The following NPFFR2 variants were observed in gnomAD, a reference collection of about 807,000 sequenced individuals.
NPFFR2 encodes neuropeptide FF receptor 2.
NPFFR2 carries 15 observed loss-of-function variants against 13.1 expected under a neutral mutation model. That is an observed-to-expected ratio of 1.15 (90% confidence interval 0.77 to 1.76). The LOEUF (loss-of-function observed/expected upper bound fraction) is 1.76, where lower values mean the gene tolerates loss of function less well. Among genes scored for constraint, NPFFR2 ranks in the 40% most tolerant of loss-of-function variants. The pLI, the probability that NPFFR2 is intolerant of heterozygous loss-of-function variation, is 0.00. For missense variants in NPFFR2, 572 were observed against 503.5 expected (o/e 1.14, Z -1.30); for synonymous variants, 190 against 175.7 (o/e 1.08, Z -0.65).
intron 2 of NPFFR2, among the ~76,000 whole-genome samples, chr4:72,132,249 A>T (rs1722268005): frequency 6.6e-6 from 1 of 151,816 alleles, no homozygotes; most frequent in African/African-American, 2.4e-5. Context: ...AACATGTAGT[A>T]TTGGGTTTCC....
At chr4:72,069,910 A>G (rs940055813) in intron 1 of NPFFR2, among the ~76,000 whole-genome samples, 1 of 152,150 alleles carries the variant, frequency 6.6e-6, no homozygotes, top group Admixed American at 6.5e-5. Flanking sequence ...AATAGCCGAC[A>G]TTTATAATCA....
chr4:72,038,447 C>A (rs77299666), intron 1 of NPFFR2, among the ~76,000 whole-genome samples: 3,976 of 152,288 alleles, frequency 0.026, 188 homozygotes, highest in African/African-American at 0.09. Flanking sequence ...AATTTTACTT[C>A]CATTTCCCTA....
chr4:72,135,011 CACA>C (rs1722364778), intron 2 of NPFFR2, among the ~76,000 whole-genome samples: 3 of 152,168 alleles, frequency 2.0e-5, no homozygotes, highest in Admixed American at 1.3e-4. Context: ...ATTCTGCCCT[CACA>C]CTTAATTAGT....
At chr4:72,038,134 T>C (rs1719091772) in intron 1 of NPFFR2, among the ~76,000 whole-genome samples, 1 of 152,146 alleles carries the variant, frequency 6.6e-6, no homozygotes, top group Admixed American at 6.6e-5. Flanking sequence ...CGTGATGCTC[T>C]CCCTGCCTGG....
intron 1 of NPFFR2, among the ~76,000 whole-genome samples, chr4:72,127,148 A>G (rs1245560914): frequency 6.7e-6 from 1 of 150,284 alleles, no homozygotes; most frequent in African/African-American, 2.4e-5. Context: ...TAAAAATACA[A>G]AAAAAATTCG....
At chr4:72,074,745 G>GA (rs891100206) in intron 1 of NPFFR2, among the ~76,000 whole-genome samples, 4 of 151,930 alleles carry the variant, frequency 2.6e-5, no homozygotes, top group African/African-American at 7.2e-5. Context: ...AAAATAGATG[G>GA]AAAAAAACAT....
intron 1 of NPFFR2, among the ~76,000 whole-genome samples, chr4:72,063,422 A>G (rs1578430857): frequency 6.6e-6 from 1 of 152,168 alleles, no homozygotes; most frequent in Non-Finnish European, 1.5e-5. Context: ...CTCTTTAATA[A>G]TGTTGTGCAG....
At chr4:72,089,684 G>C (rs1163335958) in intron 1 of NPFFR2, among the ~76,000 whole-genome samples, 1 of 151,468 alleles carries the variant, frequency 6.6e-6, no homozygotes, top group East Asian at 1.9e-4. Flanking sequence ...TTTTCTTACT[G>C]ATTTGTTTGA....
intron 2 of NPFFR2, among the ~76,000 whole-genome samples, chr4:72,137,643 A>C (rs979168128): frequency 6.6e-6 from 1 of 152,126 alleles, no homozygotes; most frequent in African/African-American, 2.4e-5. Flanking sequence ...AATGGTTTAG[A>C]CTCTGGAGTC....
At chr4:72,120,400 C>G (rs1183690706) in intron 1 of NPFFR2, among the ~76,000 whole-genome samples, 2 of 152,212 alleles carry the variant, frequency 1.3e-5, no homozygotes, top group Admixed American at 6.5e-5. Context: ...AGTGCTCCAG[C>G]TCTGCTAAGG....
chr4:72,102,290 A>C (rs1040225793), intron 1 of NPFFR2, among the ~76,000 whole-genome samples: 1 of 152,126 alleles, frequency 6.6e-6, no homozygotes. Flanking sequence ...GGAGCCTTAG[A>C]AGAATGCTAA....
chr4:72,035,759 C>T (rs1026211513), intron 1 of NPFFR2, among the ~76,000 whole-genome samples: 2 of 152,296 alleles, frequency 1.3e-5, no homozygotes, highest in South Asian at 4.1e-4. Context: ...TCTCTTTCAG[C>T]TGTATTTCCA....
At position 72,147,113 on chromosome 4, in the gene NPFFR2, A is replaced by G; in HGVS notation, c.564A>G (p.Lys188=). 2 of 1,614,094 alleles carry G rather than the reference A, an allele frequency of 1.2e-6. No individual in the cohort carries two copies. Among genetic ancestry groups the G allele is most frequent in the Non-Finnish European group, 1.7e-6 (2 of 1,180,012 alleles). Residue 188 remains lysine (K), a synonymous_variant, in exon 4 of 4, where the codon AAA becomes AAG. Coordinates refer to ENST00000308744, the MANE Select transcript of NPFFR2 (RefSeq NM_004885.3). ...SAVMLHVQEE[K]YYRVRLNSQN... Reference sequence around the variant, plus strand: ...TAATGTTACATGTGCAAGAAGAAAAATATTACCGAGTGAGACTCAACTCCC... The same window carrying G: ...TAATGTTACATGTGCAAGAAGAAAAGTATTACCGAGTGAGACTCAACTCCC...
intron 1 of NPFFR2, among the ~76,000 whole-genome samples, chr4:72,070,255 T>A (rs115660010): frequency 0.011 from 1,665 of 152,222 alleles, 37 homozygotes; most frequent in African/African-American, 0.038. Context: ...ATTATTATAG[T>A]TTTTATAGAG....
intron 1 of NPFFR2, among the ~76,000 whole-genome samples, chr4:72,125,904 C>T (rs1337591107): frequency 6.6e-6 from 1 of 152,178 alleles, no homozygotes; most frequent in Non-Finnish European, 1.5e-5. Flanking sequence ...TGGACAGAGA[C>T]ACTTGGGAAG....
chr4:72,049,579 T>C (rs1719481593), intron 1 of NPFFR2, among the ~76,000 whole-genome samples: 1 of 152,082 alleles, frequency 6.6e-6, no homozygotes, highest in South Asian at 2.1e-4. Flanking sequence ...TTTAAAAACC[T>C]GTTATAATTG....
chr4:72,076,249 C>CT (rs1720433929), intron 1 of NPFFR2, among the ~76,000 whole-genome samples: 2 of 43,750 alleles, frequency 4.6e-5, no homozygotes, highest in Non-Finnish European at 1.6e-4. Context: ...CTTATTTGCT[C>CT]TATGTCTTGG....
At chr4:72,137,296 G>T (rs1722448298) in intron 2 of NPFFR2, among the ~76,000 whole-genome samples, 1 of 152,130 alleles carries the variant, frequency 6.6e-6, no homozygotes, top group African/African-American at 2.4e-5. Context: ...CATCTTTTGA[G>T]AAATGAGAAT....
chr4:72,137,852 A>T (rs11940196), intron 2 of NPFFR2, among the ~76,000 whole-genome samples, 188 bp from the exon 3 acceptor site: 2 of 152,004 alleles, frequency 1.3e-5, no homozygotes, highest in African/African-American at 4.8e-5. Flanking sequence ...AAGTTTTGAC[A>T]TTATTGTTAG....
Sources: gnomAD v4.1 joint callset for allele counts (sites outside exome capture counted in the v4.1 genomes callset) on GRCh38, gnomAD v4.1.1 for gene constraint, MANE v1.5 for transcripts, NCBI Gene and HGNC (gene_info 2026-07-23, HGNC 2026-07-21) for gene names.